ZNF285: variants seen among roughly 807,000 people sequenced by gnomAD.
ZNF285 encodes the protein zinc finger protein 285, also known as zinc finger protein 285A.
Under a neutral mutation model 6.2 loss-of-function variants are expected in ZNF285, and 4 were observed. That is an observed-to-expected ratio of 0.65 (90% CI 0.32 to 1.49). ZNF285 has a LOEUF of 1.49. Ranked by LOEUF, ZNF285 falls within the 40% of genes most tolerant of loss-of-function variation. ZNF285 has a pLI of 0.07. For missense variants in ZNF285, 695 were observed against 708.8 expected (o/e 0.98, Z 0.22); for synonymous variants, 240 against 245.8 (o/e 0.98, Z 0.22).
intron 3 of ZNF285, among the ~76,000 whole-genome samples, chr19:44,388,715 A>AGTGT (rs56145421): frequency 3.0e-5 from 4 of 132,920 alleles, no homozygotes; most frequent in Non-Finnish European, 6.0e-5. Context: ...CATTTTATGT[A>AGTGT]GTGTGTGTGT....
intron 2 of ZNF285, 132 bp from the exon 3 acceptor site, chr19:44,392,598 G>T: frequency 6.4e-7 from 1 of 1,553,770 alleles, no homozygotes; most frequent in Non-Finnish European, 8.7e-7. Flanking sequence ...CTGTCCTGGA[G>T]GTTGGAAAGT....
chr19:44,399,230 T>C lies in ZNF285; in HGVS notation c.-43-1974A>G, dbSNP rs967912427. 4.8e-5 allele frequency among the ~76,000 whole-genome samples: 7 copies of C among 146,672 alleles called. 1 individual carries two copies. Among genetic ancestry groups the C allele is most frequent in the African/African-American group, 8.0e-5 (3 of 37,346 alleles). On this transcript the variant is annotated intron_variant, in intron 1 of 3. Transcript: ENST00000614994. ...ACTCTTTTTCTCTCCTTTCCTACCT[T>C]TAAGAGACATCATTAATCACTTCTT...
Position 44,386,528 on chromosome 19 carries a change from G to A in ZNF285, c.1717C>T (p.Arg573Cys), listed in dbSNP as rs762533427. Reference sequence around the variant, plus strand: ...TGATGAGTCAGAAGGTCCTTTCCACGCTCACAGTGTGTGTACTGTGTCTCA... The same window carrying A: ...TGATGAGTCAGAAGGTCCTTTCCACACTCACAGTGTGTGTACTGTGTCTCA... ...IDETQYTHCE[R>C]GKDLLTHQRL... Residue 573 changes from arginine to cysteine, a missense_variant, in exon 4 of 4, where the codon CGT becomes TGT. Coordinates refer to ENST00000614994, the MANE Select transcript of ZNF285 (RefSeq NM_152354.6). 4.3e-5 allele frequency: 70 copies of A among 1,613,828 alleles called. No homozygotes were observed. Among genetic ancestry groups the A allele is most frequent in the South Asian group, 8.8e-5 (8 of 91,068 alleles).
At chr19:44,391,600 G>A (rs1267388269) in intron 3 of ZNF285, among the ~76,000 whole-genome samples, 1 of 151,928 alleles carries the variant, frequency 6.6e-6, no homozygotes, top group Non-Finnish European at 1.5e-5. Flanking sequence ...CAGATCTCAT[G>A]AGATTTATTC....
rs147525213 is a variant in ZNF285, at chr19:44,387,687, A to T, written c.558T>A (p.Ser186Arg). 2 of 1,611,106 alleles carry T rather than the reference A, an allele frequency of 1.2e-6. No individual in the cohort carries two copies. The highest frequency in any genetic ancestry group is 2.7e-5 in the African/African-American group (2 of 74,250). Residue 186 changes from serine to arginine, a missense_variant, in exon 4 of 4, where the codon AGT (serine) becomes AGA (arginine). Ser to Arg is a moderately radical substitution (Grantham distance 110, BLOSUM62 -1). Coordinates refer to ENST00000614994, the MANE Select transcript of ZNF285 (RefSeq NM_152354.6). ...ACTCATGATGATCACATGAGGTCCA[A>T]CTGAGGCTGTCATCATGCTGAGCAC... ...YRRAQHDDSLSWTSCDHHESQ... is the reference protein window; with the variant it reads ...YRRAQHDDSLRWTSCDHHESQ...
At chr19:44,388,129 A>C (rs369008704) in intron 3 of ZNF285, 27 bp from the exon 4 acceptor site, 19 of 1,594,194 alleles carry the variant, frequency 1.2e-5, no homozygotes, top group South Asian at 2.3e-5. Context: ...AATTTGGCTA[A>C]GAGAACAAGT....
chr19:44,400,110 G>A (rs1299960781), intron 1 of ZNF285, among the ~76,000 whole-genome samples: 3 of 150,518 alleles, frequency 2.0e-5, no homozygotes, highest in Non-Finnish European at 4.4e-5. Flanking sequence ...AGGGCAGACA[G>A]CAGGGTGGAA....
In ZNF285 at chr19:44,383,257, TTTTTA is replaced by T. The variant is rs1387896209; in HGVS notation, c.*3210_*3214del. On this transcript the variant is annotated 3_prime_UTR_variant, in exon 4 of 4. Transcript: ENST00000614994. Reference sequence around the variant, plus strand: ...CCTTCCAATGATTATGTCTCAACATTTTTTATTTTGTCTTAATCTCACCCCATGAA... The same window carrying T: ...CCTTCCAATGATTATGTCTCAACATTTTTTGTCTTAATCTCACCCCATGAA... The T allele has an allele frequency of 6.6e-6, 1 of 152,242 alleles. No homozygotes were observed. Among genetic ancestry groups the T allele is most frequent in the Non-Finnish European group, 1.5e-5 (1 of 68,046 alleles). 9.4% of individuals were successfully genotyped at this position (152,242 alleles called of 1,614,324 possible). A position where few individuals can be genotyped will look rare whatever the true frequency, so the allele number is the denominator to read the frequency against.
At chr19:44,391,546 C>T (rs1027323124) in intron 3 of ZNF285, among the ~76,000 whole-genome samples, 4 of 151,916 alleles carry the variant, frequency 2.6e-5, no homozygotes, top group Non-Finnish European at 1.5e-5. Flanking sequence ...TGGTGGCAGG[C>T]AAGGAGAAAG....
At chr19:44,397,896 A>AAT (rs1555722299) in intron 1 of ZNF285, among the ~76,000 whole-genome samples, 22 of 150,852 alleles carry the variant, frequency 1.5e-4, no homozygotes, top group African/African-American at 4.2e-4. Context: ...AAAAAAAAAA[A>AAT]AACAGAGGAA....
At chr19:44,391,789 T>A (rs1341984064) in intron 3 of ZNF285, among the ~76,000 whole-genome samples, 1 of 152,076 alleles carries the variant, frequency 6.6e-6, no homozygotes, top group East Asian at 1.9e-4. Context: ...TATAACTGTA[T>A]ATGAACCTCT....
intron 3 of ZNF285, chr19:44,392,076 A>G: frequency 2.2e-6 from 2 of 919,206 alleles, no homozygotes; most frequent in Non-Finnish European, 2.9e-6. Context: ...ATGTGTGAGT[A>G]GGGGAGGGAG....
At chr19:44,397,475 G>A (rs1225852978) in intron 1 of ZNF285, among the ~76,000 whole-genome samples, 1 of 152,094 alleles carries the variant, frequency 6.6e-6, no homozygotes, top group Admixed American at 6.6e-5. Flanking sequence ...TCTCTCTCCT[G>A]AAGCTTTTGG....
chr19:44,394,849 G>A (rs933033142), intron 2 of ZNF285, among the ~76,000 whole-genome samples: 1 of 152,164 alleles, frequency 6.6e-6, no homozygotes, highest in African/African-American at 2.4e-5. Flanking sequence ...TGTCCTAATA[G>A]CACCACTCTC....
chr19:44,389,002 G>A (rs375573623), intron 3 of ZNF285, among the ~76,000 whole-genome samples: 4 of 146,102 alleles, frequency 2.7e-5, no homozygotes, highest in Admixed American at 6.9e-5. Flanking sequence ...GCGGGGATGC[G>A]TATGTAAACC....
At chr19:44,397,596 A>G (rs1971303630) in intron 1 of ZNF285, among the ~76,000 whole-genome samples, 1 of 152,158 alleles carries the variant, frequency 6.6e-6, no homozygotes, top group Non-Finnish European at 1.5e-5. Context: ...TAAGGGAGCA[A>G]TCTCAGGGCT....
intron 2 of ZNF285, among the ~76,000 whole-genome samples, chr19:44,396,016 T>G (rs1238384745): frequency 1.3e-5 from 2 of 152,136 alleles, no homozygotes; most frequent in African/African-American, 4.8e-5. Context: ...GGTGAACTGT[T>G]GCTGTAATTT....
chr19:44,394,634 T>C (rs1971251265), intron 2 of ZNF285: 3 of 509,948 alleles, frequency 5.9e-6, no homozygotes, highest in Non-Finnish European at 6.9e-6. Context: ...AAAATATTTC[T>C]ATGGCTGCAT....
rs1163795453 is a variant in ZNF285 at position 44,387,191 on chromosome 19, C to T, written c.1054G>A (p.Gly352Arg). 1 of 1,614,130 alleles carries T rather than the reference C, an allele frequency of 6.2e-7. No individual in the cohort carries two copies. Among genetic ancestry groups the T allele is most frequent in the East Asian group, 2.2e-5 (1 of 44,884 alleles). ...CAAAGAAGTGACCTAAATCCAAACC[C>T]TTTCCCACATTCATCGCATTTGTAG... ...MPYKCDECGK[G>R]FGFRSLLCIH... Residue 352 changes from glycine to arginine, a missense_variant, in exon 4 of 4, where the codon GGG becomes AGG. Transcript: ENST00000614994.
Sources: allele counts gnomAD v4.1 joint callset (sites outside exome capture counted in the v4.1 genomes callset), GRCh38; gene constraint gnomAD v4.1.1; transcripts MANE v1.5; gene names NCBI Gene and HGNC (gene_info 2026-07-23, HGNC 2026-07-21).